The following LITAF variants were observed in gnomAD, a reference collection of about 807,000 sequenced individuals.
LITAF encodes lipopolysaccharide induced TNF factor.
Under a neutral mutation model 14.5 loss-of-function variants are expected in LITAF, and 9 were observed. That is an observed-to-expected ratio of 0.62 (90% CI 0.37 to 1.08). The LOEUF is 1.08. LITAF is among the 50% of genes least tolerant of loss of function. The probability of loss-of-function intolerance (pLI) is 0.01; values close to 1 mark genes in which losing one functional copy is unlikely to be tolerated. For synonymous variants in LITAF, 98 were observed against 88.2 expected (o/e 1.11, Z -0.62); for missense variants, 206 against 213.4 (o/e 0.97, Z 0.22).
In LITAF at chr16:11,605,890, G is replaced by A. The variant is rs1386056037; in HGVS notation, c.85+27643C>T. Among the ~76,000 whole-genome samples the A allele has an allele frequency of 1.3e-5, 2 of 152,164 alleles. No homozygotes were observed. The highest frequency in any genetic ancestry group is 2.9e-5 in the Non-Finnish European group (2 of 68,028). On this transcript the variant is annotated intron_variant, in intron 3 of 3. Coordinates refer to the LITAF transcript ENST00000574848. This position sits in a 1 kb window ranked among gnomAD's most constrained non-coding sequence, Gnocchi z 4.7. ...TTCCCACGGAAACTTATCAATAGCT[G>A]CCTCTTTAGGATCAAGACCAACCTC... is the stretch of plus-strand genomic sequence containing the variant.
At position 11,583,049 on chromosome 16, in the gene LITAF, G is replaced by A. The variant is rs577302747; in HGVS notation, c.-6+3837C>T. Among the ~76,000 whole-genome samples the A allele has an allele frequency of 7.2e-5, 11 of 152,280 alleles. No homozygotes were observed. In the South Asian group the frequency reaches 8.3e-4, roughly 11 times the overall value. On this transcript the variant is annotated intron_variant, in intron 1 of 3. Coordinates refer to ENST00000622633, the MANE Select transcript of LITAF (RefSeq NM_001136472.2). The stretch of plus-strand genomic sequence containing the variant: ...GGAAGGTAGACAAAAGGGGAAACCC[G>A]GACCTCCAGCTCTTTGGGAAAGGAA...
chr16:11,618,187 G>C (rs1221418344), intron 3 of LITAF, among the ~76,000 whole-genome samples: 2 of 152,126 alleles, frequency 1.3e-5, no homozygotes, highest in Admixed American at 6.6e-5. Context: ...TATTTATTCT[G>C]TCTTTTACCT....
At chr16:11,612,163 T>G (rs2064986284) in intron 3 of LITAF, among the ~76,000 whole-genome samples, 2 of 152,182 alleles carry the variant, frequency 1.3e-5, no homozygotes, top group East Asian at 3.9e-4. Context: ...AGTCCAAGGA[T>G]CTCCTGGCAC....
chr16:11,557,106 A>T (rs927698642), intron 1 of LITAF, among the ~76,000 whole-genome samples: 7 of 148,722 alleles, frequency 4.7e-5, no homozygotes, highest in Non-Finnish European at 7.4e-5. Context: ...TGGTTTTTAA[A>T]CCACTGTGGT....
chr16:11,637,893 A>C (rs972549141), upstream of LITAF, among the ~76,000 whole-genome samples: 6 of 93,840 alleles, frequency 6.4e-5, 1 homozygote, highest in East Asian at 1.4e-3. Context: ...AAAAAAAAAA[A>C]AAAACTATAT....
intron 1 of LITAF, among the ~76,000 whole-genome samples, chr16:11,593,193 T>G (rs1235053225): frequency 2.0e-5 from 3 of 148,338 alleles, no homozygotes; most frequent in Non-Finnish European, 4.5e-5. Flanking sequence ...TAAATAAAAA[T>G]AAAAATACAA....
At chr16:11,564,229 A>G (rs1014884008) in intron 1 of LITAF, among the ~76,000 whole-genome samples, 1 of 152,006 alleles carries the variant, frequency 6.6e-6, no homozygotes, top group African/African-American at 2.4e-5. Flanking sequence ...TTAAAAGTGG[A>G]GGCAAAAAAC....
At chr16:11,599,599 C>T (rs1266015783), upstream of LITAF, among the ~76,000 whole-genome samples, 1 of 152,132 alleles carries the variant, frequency 6.6e-6, no homozygotes, top group East Asian at 1.9e-4. Context: ...ACTCATGACA[C>T]AAACCACCCC....
chr16:11,560,483 C>T (rs1466732947), intron 1 of LITAF, among the ~76,000 whole-genome samples: 1 of 150,984 alleles, frequency 6.6e-6, no homozygotes, highest in African/African-American at 2.4e-5. Flanking sequence ...TGGTGGCGTG[C>T]GCCTGTAATC....
At chr16:11,637,045 T>C (rs961606696), upstream of LITAF, among the ~76,000 whole-genome samples, 2 of 152,052 alleles carry the variant, frequency 1.3e-5, no homozygotes, top group African/African-American at 4.8e-5. Flanking sequence ...TCTGTAAAAG[T>C]GAGCCCAGCT....
chr16:11,559,979 AAAAT>A (rs542835019), intron 1 of LITAF, among the ~76,000 whole-genome samples: 175 of 151,472 alleles, frequency 1.2e-3, no homozygotes, highest in Non-Finnish European at 2.2e-3. Flanking sequence ...GACTGTCTCA[AAAAT>A]AAATAAATAA....
chr16:11,630,681 C>T (rs775867608), intron 3 of LITAF, among the ~76,000 whole-genome samples: 11 of 149,494 alleles, frequency 7.4e-5, no homozygotes, highest in Non-Finnish European at 1.5e-4. Flanking sequence ...TGGGCTCAAA[C>T]AATCCTCCCA....
At chr16:11,607,709 T>G (rs1224545685) in intron 3 of LITAF, among the ~76,000 whole-genome samples, 1 of 152,074 alleles carries the variant, frequency 6.6e-6, no homozygotes, top group Non-Finnish European at 1.5e-5. Flanking sequence ...CAGGCACACA[T>G]GAAAAACGAA....
chr16:11,631,587 A>G (rs527946578), intron 3 of LITAF, among the ~76,000 whole-genome samples: 201 of 152,296 alleles, frequency 1.3e-3, no homozygotes, highest in Non-Finnish European at 2.5e-3. Flanking sequence ...ACAGGGTTTC[A>G]CTACGTTGCC....
rs776618890 is a variant in LITAF, at chr16:11,549,612, G to A, written c.*25C>T. ...GTGGAAAGGACTTCCTGCGGCACCCGGCTCCCTCCACGTCTGGCTGAGTCC... is the reference window on the plus strand; with the variant it reads ...GTGGAAAGGACTTCCTGCGGCACCCAGCTCCCTCCACGTCTGGCTGAGTCC... On this transcript the variant is annotated 3_prime_UTR_variant, in exon 4 of 4. Coordinates refer to ENST00000622633, the MANE Select transcript of LITAF (RefSeq NM_001136472.2). This position sits in a 1 kb window ranked among gnomAD's most constrained non-coding sequence, Gnocchi z 4.6. 2.4e-5 allele frequency: 38 copies of A among 1,567,594 alleles called. No individual in the cohort carries two copies. The highest frequency in any genetic ancestry group is 1.7e-4 in the Middle Eastern group (1 of 5,994).
chr16:11,618,125 G>A (rs531103533), intron 3 of LITAF, among the ~76,000 whole-genome samples: 1 of 152,208 alleles, frequency 6.6e-6, no homozygotes, highest in East Asian at 1.9e-4. Flanking sequence ...ATCCTCCCCA[G>A]TCAGCTACTG....
upstream of LITAF, among the ~76,000 whole-genome samples, chr16:11,637,431 ATTC>A (rs1317533138): frequency 5.3e-5 from 8 of 152,278 alleles, no homozygotes; most frequent in African/African-American, 1.7e-4. Context: ...CTTTCTGTAA[ATTC>A]TTCTTCTGCT....
At chr16:11,578,676 G>T (rs760038870) in intron 1 of LITAF, among the ~76,000 whole-genome samples, 3 of 152,184 alleles carry the variant, frequency 2.0e-5, no homozygotes, top group Non-Finnish European at 2.9e-5. Flanking sequence ...CATGTCATGT[G>T]CCCTCTGATG....
chr16:11,561,111 AT>A (rs2064357215), intron 1 of LITAF: 1 of 152,208 alleles, frequency 6.6e-6, no homozygotes, highest in South Asian at 2.1e-4. Context: ...CACCTCCATG[AT>A]TTATGGTGAA....
Sources: gnomAD v4.1 joint callset for allele counts (sites outside exome capture counted in the v4.1 genomes callset) on GRCh38, gnomAD v4.1.1 for gene constraint, Gnocchi (gnomAD v3.1) non-coding constraint, MANE v1.5 for transcripts, NCBI Gene and HGNC (gene_info 2026-07-23, HGNC 2026-07-21) for gene names.